GALNT13: variants seen among roughly 807,000 people sequenced by gnomAD.
GALNT13 encodes the protein UDP-GalNAc:polypeptide N-acetylgalactosaminyltransferase 13.
GALNT13 carries 28 observed loss-of-function variants against 64.2 expected under a neutral mutation model. The ratio of observed to expected loss-of-function variants is 0.44; its 90% CI spans 0.32 to 0.60. The LOEUF (loss-of-function observed/expected upper bound fraction) is 0.60, where lower values mean the gene tolerates loss of function less well. Ranked by LOEUF, GALNT13 falls within the 20% of genes least tolerant of loss-of-function variation. The pLI, the probability that GALNT13 is intolerant of heterozygous loss-of-function variation, is 0.05. For missense variants in GALNT13, 577 were observed against 669.8 expected (o/e 0.86, Z 1.53); for synonymous variants, 214 against 224.6 (o/e 0.95, Z 0.42).
chr2:153,164,649 GT>G, the GALNT13 span, among the ~76,000 whole-genome samples: 2 of 151,522 alleles, frequency 1.3e-5, no homozygotes, highest in Admixed American at 6.6e-5. Flanking sequence ...ATTTTCTTGT[GT>G]TTTTTTTGTG....
the GALNT13 span, among the ~76,000 whole-genome samples, chr2:153,677,384 A>G: frequency 0.025 from 3,741 of 151,808 alleles, 147 homozygotes; most frequent in African/African-American, 0.085. Flanking sequence ...GAATTTTAAA[A>G]CACTGCTTAA....
the GALNT13 span, among the ~76,000 whole-genome samples, chr2:153,288,091 T>A: frequency 3.1e-4 from 47 of 152,264 alleles, 1 homozygote; most frequent in South Asian, 4.1e-4. Context: ...CCCATCACAG[T>A]TAAAAATGAC....
intron 2 of GALNT13, among the ~76,000 whole-genome samples, chr2:153,940,398 C>T (rs1256589490): frequency 6.6e-6 from 1 of 151,736 alleles, no homozygotes; most frequent in African/African-American, 2.4e-5. Context: ...GTTGGGATTA[C>T]AGGAGTCCGC....
At chr2:153,580,222 G>A in the GALNT13 span, among the ~76,000 whole-genome samples, 40,774 of 151,868 alleles carry the variant, frequency 0.27, 5,835 homozygotes, top group East Asian at 0.44. Flanking sequence ...CCAAAGTAAC[G>A]AATCTTTCAT....
At chr2:153,516,693 G>A in the GALNT13 span, among the ~76,000 whole-genome samples, 1 of 152,080 alleles carries the variant, frequency 6.6e-6, no homozygotes, top group African/African-American at 2.4e-5. Flanking sequence ...TTCTCCCTAG[G>A]AAATTGTAGT....
the GALNT13 span, chr2:153,762,768 C>T: frequency 3.3e-5 from 5 of 151,032 alleles, no homozygotes; most frequent in African/African-American, 1.2e-4. Context: ...GAAAGTTCGG[C>T]CCGGTGAACT....
chr2:153,629,519 A>G, the GALNT13 span, among the ~76,000 whole-genome samples: 3 of 152,182 alleles, frequency 2.0e-5, no homozygotes, highest in Admixed American at 1.3e-4. Context: ...AAAGACTTCA[A>G]TGTTAGACGT....
chr2:154,236,998 A>C (rs1689227940), intron 4 of GALNT13, among the ~76,000 whole-genome samples: 1 of 152,004 alleles, frequency 6.6e-6, no homozygotes, highest in Admixed American at 6.6e-5. Context: ...TTTACAATTA[A>C]TGTCATTTAA....
intron 4 of GALNT13, among the ~76,000 whole-genome samples, chr2:154,185,346 A>G (rs538119023): frequency 1.3e-5 from 2 of 152,128 alleles, no homozygotes; most frequent in East Asian, 1.9e-4. Flanking sequence ...ATTCTCAACT[A>G]ATTGGAATTC....
At position 153,982,459 on chromosome 2, in the gene GALNT13, C is replaced by G. The variant is rs565344437; in HGVS notation, c.142+37820C>G. 5.9e-5 allele frequency among the ~76,000 whole-genome samples: 9 copies of G among 152,122 alleles called. No homozygotes were observed. In the South Asian group the frequency reaches 1.9e-3, roughly 32 times the overall value. On this transcript the variant is annotated intron_variant, in intron 3 of 12. Transcript: ENST00000392825. ...TCTGTGAGTAAGTTGCTGAAAACTG[C>G]AAATTTTGTTATAAGTTGTAGTAGT... is the stretch of plus-strand genomic sequence containing the variant.
intron 4 of GALNT13, among the ~76,000 whole-genome samples, chr2:154,214,785 A>T (rs898513387): frequency 6.6e-6 from 1 of 152,116 alleles, no homozygotes; most frequent in African/African-American, 2.4e-5. Context: ...TTTATAAATT[A>T]CTCGGTCTCA....
the GALNT13 span, among the ~76,000 whole-genome samples, chr2:153,743,628 G>A: frequency 6.6e-6 from 1 of 152,016 alleles, no homozygotes; most frequent in Non-Finnish European, 1.5e-5. Flanking sequence ...TCACATAGTA[G>A]AAAAGGGTTA....
chr2:153,772,409 G>A, the GALNT13 span, among the ~76,000 whole-genome samples: 1 of 152,126 alleles, frequency 6.6e-6, no homozygotes, highest in Non-Finnish European at 1.5e-5. Context: ...AACCCTAGTG[G>A]GAAGGTGAAT....
chr2:153,143,177 A>G, the GALNT13 span, among the ~76,000 whole-genome samples: 1 of 151,752 alleles, frequency 6.6e-6, no homozygotes, highest in African/African-American at 2.4e-5. Flanking sequence ...CCAGCCCAAG[A>G]CTCTTGTTAT....
the GALNT13 span, among the ~76,000 whole-genome samples, chr2:153,659,892 A>T: frequency 6.6e-6 from 1 of 152,158 alleles, no homozygotes; most frequent in South Asian, 2.1e-4. Context: ...AGCCCAGGAG[A>T]TAGTCTAAAG....
the GALNT13 span, among the ~76,000 whole-genome samples, chr2:153,081,483 G>T: frequency 1.3e-5 from 2 of 151,646 alleles, no homozygotes; most frequent in African/African-American, 4.8e-5. Context: ...TTTTTCCTAC[G>T]CATTGACTAT....
chr2:154,286,400 G>T lies in GALNT13; in HGVS notation c.976-15009G>T, dbSNP rs530292362. Among the ~76,000 whole-genome samples, 5 of 152,176 alleles carry T rather than the reference G, an allele frequency of 3.3e-5. No individual in the cohort carries two copies. In the South Asian group the frequency reaches 1.0e-3, roughly 32 times the overall value. On this transcript the variant is annotated intron_variant, in intron 8 of 12. Transcript: ENST00000392825. ...TTAAACATAAAGCGATATTGAATTT[G>T]TCAAATTTTTCTGCTTCTACTCAGA...
At chr2:154,449,426 CAAAAAAAA>C (rs201483247) in intron 12 of GALNT13, among the ~76,000 whole-genome samples, 39 of 105,854 alleles carry the variant, frequency 3.7e-4, no homozygotes, top group Middle Eastern at 7.1e-3. Context: ...TATCATGAGC[CAAAAAAAA>C]AAAAAAAAAA....
the GALNT13 span, among the ~76,000 whole-genome samples, chr2:153,335,999 G>A: frequency 6.6e-6 from 1 of 152,210 alleles, no homozygotes; most frequent in Non-Finnish European, 1.5e-5. Context: ...GAGAGTGGAA[G>A]CCCCAAGCCT....
Sources: gnomAD v4.1 joint callset for allele counts (sites outside exome capture counted in the v4.1 genomes callset) on GRCh38, gnomAD v4.1.1 for gene constraint, MANE v1.5 for transcripts, NCBI Gene and HGNC (gene_info 2026-07-23, HGNC 2026-07-21) for gene names.